C2: variants seen among roughly 807,000 people sequenced by gnomAD.
C2 encodes C3/C5 convertase.
C2 carries 64 observed loss-of-function variants against 85.2 expected under a neutral mutation model. That is an observed-to-expected ratio of 0.75 (90% confidence interval 0.61 to 0.92). The LOEUF is 0.92. C2 is among the 40% of genes least tolerant of loss of function. The pLI, the probability that C2 is intolerant of heterozygous loss-of-function variation, is 0.00. For synonymous variants in C2, 311 were observed against 370.8 expected (o/e 0.84, Z 1.85); for missense variants, 820 against 971.6 (o/e 0.84, Z 2.07).
chr6:31,940,369 G>A lies in C2; in HGVS notation c.1219+1049G>A, dbSNP rs143932151. Among the ~76,000 whole-genome samples the A allele has an allele frequency of 9.0e-3, 1,376 of 152,350 alleles. 21 individuals carry two copies. Among genetic ancestry groups the A allele is most frequent in the African/African-American group, 0.032 (1,316 of 41,568 alleles). On this transcript the variant is annotated intron_variant, in intron 9 of 17. Coordinates refer to ENST00000299367, the MANE Select transcript of C2 (RefSeq NM_000063.6). ...AAACTTTCCAGGAAGAAGGGACCTCGATTCCCTCTGGGGAATGTCCCTGGT... is the reference window on the plus strand; with the variant it reads ...AAACTTTCCAGGAAGAAGGGACCTCAATTCCCTCTGGGGAATGTCCCTGGT...
chr6:31,919,479 C>T (rs766121109), upstream of C2, among the ~76,000 whole-genome samples: 19 of 152,142 alleles, frequency 1.2e-4, no homozygotes, highest in Admixed American at 3.3e-4. Flanking sequence ...GTGAAAACTA[C>T]AAGGAGTAAT....
At chr6:31,927,052 T>G (rs958931157), upstream of C2, among the ~76,000 whole-genome samples, 6 of 152,344 alleles carry the variant, frequency 3.9e-5, no homozygotes, top group South Asian at 1.2e-3. The surrounding 1 kb of genome is among the most constrained non-coding windows in gnomAD (Gnocchi z 4.7). Flanking sequence ...TACTAGACTT[T>G]CCGTAAAAAT....
At chr6:31,901,466 C>T in intron 1 of C2, 1 of 845,014 alleles carries the variant, frequency 1.2e-6, no homozygotes, top group Non-Finnish European at 1.8e-6. Flanking sequence ...TTTCCCCAAC[C>T]CTGGGGAGGT....
In C2 at chr6:31,933,609, G is replaced by C. The variant is rs773941177; in HGVS notation, c.443-1G>C. ...CTCTGCCTTCCTTTGTTCACTCGCA[G>C]CTGGCCACTGCCCCAACCCAGGCAT... On this transcript the variant is annotated splice_acceptor_variant, in intron 3 of 17. Coordinates refer to ENST00000299367, the MANE Select transcript of C2 (RefSeq NM_000063.6). LOFTEE classifies it high-confidence loss of function. 6.2e-7 allele frequency: 1 copy of C among 1,613,010 alleles called. No individual in the cohort carries two copies. Among genetic ancestry groups the C allele is most frequent in the South Asian group, 1.1e-5 (1 of 91,086 alleles).
Position 31,944,995 on chromosome 6 carries a change from C to T in C2, c.2045C>T (p.Ala682Val). The T allele has an allele frequency of 6.2e-7, 1 of 1,613,068 alleles. No homozygotes were observed. The highest frequency in any genetic ancestry group is 8.5e-7 in the Non-Finnish European group (1 of 1,180,038). Reference protein sequence around the residue: ...ESPCKGESGGAVFLERRFRFF... With the variant: ...ESPCKGESGGVVFLERRFRFF... ...TTGCTGGCAGGAGAATCTGGGGGAG[C>T]AGTTTTCCTTGAGCGGAGATTCAGG... The change falls in exon 17 of 18, where the codon GCA becomes GTA. Residue 682 changes from alanine (A) to valine (V), a missense_variant. Transcript: ENST00000299367. The surrounding 1 kb of genome is among the most constrained non-coding windows in gnomAD (Gnocchi z 5.1).
chr6:31,939,436 G>A (rs536082008), intron 9 of C2, 116 bp downstream of exon 9: 19 of 854,310 alleles, frequency 2.2e-5, no homozygotes, highest in South Asian at 2.8e-5. Context: ...TTATTTCTGC[G>A]TTGTTCTGTA....
upstream of C2, among the ~76,000 whole-genome samples, chr6:31,925,829 C>G (rs1455665656): frequency 6.6e-6 from 1 of 152,050 alleles, no homozygotes; most frequent in African/African-American, 2.4e-5. Context: ...CCTTAAATAC[C>G]CCCCACCTTT....
chr6:31,942,124 C>CTT (rs28986183), intron 9 of C2, among the ~76,000 whole-genome samples: 2 of 122,438 alleles, frequency 1.6e-5, no homozygotes, highest in Non-Finnish European at 3.5e-5. Context: ...CTCACCTCTT[C>CTT]TTTTTTTTTT....
intron 6 of C2, 44 bp downstream of exon 6, chr6:31,934,343 T>C: frequency 1.2e-6 from 2 of 1,613,102 alleles, no homozygotes; most frequent in Non-Finnish European, 1.7e-6. Flanking sequence ...CTTCCTGTGC[T>C]CACTATCTCT....
upstream of C2, chr6:31,900,605 C>G: frequency 6.2e-7 from 1 of 1,612,646 alleles, no homozygotes; most frequent in Non-Finnish European, 8.5e-7. This position sits in a 1 kb window ranked among gnomAD's most constrained non-coding sequence, Gnocchi z 9.7. Context: ...GCCTCCAATG[C>G]CCAGACCCCC....
At chr6:31,912,366 A>G (rs1768172243) in intron 1 of C2, among the ~76,000 whole-genome samples, 1 of 152,154 alleles carries the variant, frequency 6.6e-6, no homozygotes, top group Non-Finnish European at 1.5e-5. Context: ...ACACTGTTTG[A>G]TCCACTGCTT....
At chr6:31,918,370 T>C (rs1041895041), upstream of C2, among the ~76,000 whole-genome samples, 12 of 152,048 alleles carry the variant, frequency 7.9e-5, no homozygotes, top group Non-Finnish European at 1.3e-4. Context: ...GAGGATCACT[T>C]GAAGCTAGGA....
upstream of C2, among the ~76,000 whole-genome samples, chr6:31,916,554 G>A (rs568388632): frequency 6.8e-3 from 621 of 91,748 alleles, 6 homozygotes; most frequent in African/African-American, 0.028. Flanking sequence ...GTGAGACTCC[G>A]TCTCAAAAAA....
At position 31,943,511 on chromosome 6, in the gene C2, G is replaced by T; in HGVS notation, c.1551G>T (p.Leu517=). 1.2e-6 allele frequency: 2 copies of T among 1,613,000 alleles called. No homozygotes were observed. The highest frequency in any genetic ancestry group is 1.7e-6 in the Non-Finnish European group (2 of 1,179,986). Residue 517 remains leucine (L), a synonymous_variant, in exon 12 of 18, where the codon CTG becomes CTT. Coordinates refer to ENST00000299367, the MANE Select transcript of C2 (RefSeq NM_000063.6). This position sits in a 1 kb window ranked among gnomAD's most constrained non-coding sequence, Gnocchi z 6.4. ...TCCGCGATGGCAACGACCACTCCCTGTGGAGGGTCAATGTGGGTAAGGCAG... is the reference window on the plus strand; with the variant it reads ...TCCGCGATGGCAACGACCACTCCCTTTGGAGGGTCAATGTGGGTAAGGCAG... ...HCFRDGNDHS[L]WRVNVGDPKS... is the part of the protein sequence containing the mutation.
chr6:31,924,294 A>G (rs565459494), upstream of C2, among the ~76,000 whole-genome samples: 4 of 152,232 alleles, frequency 2.6e-5, no homozygotes, highest in Non-Finnish European at 4.4e-5. Context: ...ACCAAGCTAG[A>G]ATAACAGCAG....
At chr6:31,938,456 G>GTATATATATATATGTATACATACATA (rs1770601661) in intron 8 of C2, among the ~76,000 whole-genome samples, 1 of 144,258 alleles carries the variant, frequency 6.9e-6, no homozygotes, top group African/African-American at 2.5e-5. Context: ...ATATATGTAT[G>GTATATATATATATGTATACATACATA]TATATATATA....
At chr6:31,936,259 T>C in intron 7 of C2, 198 bp downstream of exon 7, 1 of 623,986 alleles carries the variant, frequency 1.6e-6, no homozygotes, top group South Asian at 1.8e-5. Context: ...CATTCTGAGA[T>C]GCTGCAGGTC....
chr6:31,906,561 G>A (rs66804014), intron 1 of C2, among the ~76,000 whole-genome samples: 4,509 of 151,976 alleles, frequency 0.03, 95 homozygotes, highest in Middle Eastern at 0.048. Flanking sequence ...CCAGCACCTT[G>A]TGAATTCCAG....
chr6:31,900,827 G>C, upstream of C2: 2 of 1,608,916 alleles, frequency 1.2e-6, no homozygotes, highest in Non-Finnish European at 1.7e-6. The surrounding 1 kb of genome is among the most constrained non-coding windows in gnomAD (Gnocchi z 9.7). Context: ...GGCTGGCTTT[G>C]GGGTCCTGGC....
Sources: gnomAD v4.1 joint callset for allele counts (sites outside exome capture counted in the v4.1 genomes callset) on GRCh38, gnomAD v4.1.1 for gene constraint, Gnocchi (gnomAD v3.1) non-coding constraint, MANE v1.5 for transcripts, NCBI Gene and HGNC (gene_info 2026-07-23, HGNC 2026-07-21) for gene names.